Variants in TTC29 observed in about 807,000 individuals in gnomAD.
The protein encoded by TTC29 is tetratricopeptide repeat domain 29.
In TTC29, 49 loss-of-function variants were observed where a neutral mutation model predicts 58.1. That is an observed-to-expected ratio of 0.84 (90% CI 0.67 to 1.07). The LOEUF is 1.07. TTC29 is among the 50% of genes least tolerant of loss of function. The pLI is 0.00. For missense variants in TTC29, 582 were observed against 555.6 expected (o/e 1.05, Z -0.48); for synonymous variants, 209 against 196.8 (o/e 1.06, Z -0.52).
chr4:146,943,747 T>A (rs986979746), intron 2 of TTC29, among the ~76,000 whole-genome samples: 1 of 152,204 alleles, frequency 6.6e-6, no homozygotes, highest in Non-Finnish European at 1.5e-5. Context: ...CTTTTATGCC[T>A]TACAAGTTCA....
At chr4:146,818,199 A>G (rs1380053483) in intron 10 of TTC29, among the ~76,000 whole-genome samples, 1 of 152,242 alleles carries the variant, frequency 6.6e-6, no homozygotes, top group Non-Finnish European at 1.5e-5. Context: ...CAAAGGGCTA[A>G]TATCCAGAAT....
At chr4:146,874,577 G>T in intron 7 of TTC29, 139 bp downstream of exon 7, 1 of 716,358 alleles carries the variant, frequency 1.4e-6, no homozygotes, top group Non-Finnish European at 2.3e-6. Context: ...AGTGAAATTT[G>T]AAAGTAAATT....
In TTC29 at chr4:146,909,316, T is replaced by C. The variant is rs1040681299; in HGVS notation, c.177-67A>G. ...CTTTCAGTCTGCACGGTATTTTCAT[T>C]CTCTAATAATTAAAGGTTGAATCAT... On this transcript the variant is annotated intron_variant, in intron 4 of 12. Coordinates refer to ENST00000325106, the MANE Select transcript of TTC29 (RefSeq NM_031956.4). The C allele has an allele frequency of 5.7e-6, 7 of 1,218,768 alleles. No homozygotes were observed. In the African/African-American group the frequency reaches 9.1e-5, roughly 16 times the overall value. 75.5% of individuals were successfully genotyped at this position (1,218,768 alleles called of 1,614,324 possible).
intron 10 of TTC29, among the ~76,000 whole-genome samples, chr4:146,814,634 G>A (rs1751263846): frequency 1.3e-5 from 2 of 149,300 alleles, no homozygotes; most frequent in South Asian, 4.2e-4. Flanking sequence ...GCTGAGGCAG[G>A]AGAATTACTT....
At chr4:146,789,048 A>G (rs12507055) in intron 11 of TTC29, among the ~76,000 whole-genome samples, 9,027 of 152,250 alleles carry the variant, frequency 0.059, 373 homozygotes, top group Admixed American at 0.13. Context: ...CTGTGAATTT[A>G]TAATAATGTT....
At position 146,867,499 on chromosome 4, in the gene TTC29, G is replaced by A. The variant is rs1479435031; in HGVS notation, c.884C>T (p.Thr295Ile). 6.8e-7 allele frequency: 1 copy of A among 1,478,374 alleles called. No individual in the cohort carries two copies. Among genetic ancestry groups the A allele is most frequent in the Non-Finnish European group, 9.1e-7 (1 of 1,100,878 alleles). 91.6% of individuals were successfully genotyped at this position (1,478,374 alleles called of 1,614,324 possible). A position where few individuals can be genotyped will look rare whatever the true frequency, so the allele number is the denominator to read the frequency against. ...LAAEEYETALTVLDTYCKIST... is the reference protein window; with the variant it reads ...LAAEEYETALIVLDTYCKIST... ...GCAGTGATTAAAAGTTTAGCTTACTGTTAATGCTGTTTCATATTCCTCAGC... is the reference window on the plus strand; with the variant it reads ...GCAGTGATTAAAAGTTTAGCTTACTATTAATGCTGTTTCATATTCCTCAGC... The change falls in exon 8 of 13, where the codon ACA becomes ATA. Residue 295 changes from threonine to isoleucine, a missense_variant and splice_region_variant. Transcript: ENST00000325106.
At chr4:146,802,298 C>T (rs888992358) in intron 11 of TTC29, among the ~76,000 whole-genome samples, 16 of 152,094 alleles carry the variant, frequency 1.1e-4, no homozygotes, top group African/African-American at 1.4e-4. Flanking sequence ...CTCTCAAATA[C>T]GTGATGACAA....
intron 4 of TTC29, among the ~76,000 whole-genome samples, chr4:146,930,118 T>TATATATACAC (rs1334021950): frequency 1.6e-5 from 2 of 128,884 alleles, no homozygotes; most frequent in East Asian, 2.4e-4. Flanking sequence ...TATATATATA[T>TATATATACAC]ACACACATAT....
chr4:146,841,152 A>T (rs954800902), intron 8 of TTC29, among the ~76,000 whole-genome samples: 2 of 152,170 alleles, frequency 1.3e-5, no homozygotes, highest in African/African-American at 4.8e-5. Context: ...CTTTAAAAAA[A>T]TTCACAGTTT....
At chr4:146,813,043 G>A (rs914360720) in intron 10 of TTC29, 4 of 152,290 alleles carry the variant, frequency 2.6e-5, no homozygotes, top group African/African-American at 9.6e-5. Context: ...GACAATTCCA[G>A]GACAGGATCT....
chr4:146,803,680 G>C lies in TTC29; in HGVS notation c.1107C>G (p.Tyr369Ter), dbSNP rs1489738488. 6.3e-7 allele frequency: 1 copy of C among 1,576,882 alleles called. No individual in the cohort carries two copies. Among genetic ancestry groups the C allele is most frequent in the East Asian group, 2.3e-5 (1 of 44,234 alleles). Residue 369 changes from tyrosine to a stop codon, truncating the protein, a stop_gained, in exon 11 of 13, where the codon TAC (tyrosine) becomes TAG (stop). Transcript: ENST00000325106. LOFTEE classifies it high-confidence loss of function. ...GAAAGCATTCAGAAGCTTTGTTGTA[G>C]TATCCCTAAAAAGGTAAGAGAAATA... is the stretch of plus-strand genomic sequence containing the variant. Reference protein sequence around the residue: ...MLGDIYNEKGYYNKASECFQQ... With the variant: ...MLGDIYNEKG
At chr4:146,885,144 G>C (rs1464223729) in intron 6 of TTC29, among the ~76,000 whole-genome samples, 1 of 151,954 alleles carries the variant, frequency 6.6e-6, no homozygotes, top group Non-Finnish European at 1.5e-5. Flanking sequence ...CAAAAATCAT[G>C]AGTCTTGAGA....
chr4:146,880,112 T>C lies in TTC29; in HGVS notation c.587-5184A>G, dbSNP rs545141892. On this transcript the variant is annotated intron_variant, in intron 6 of 12. Transcript: ENST00000325106. ...AAGAAAATAGAGCCAAAATGTTTTG[T>C]TGGAGAGGCTGGGGATTGCCCTCCA... 7.9e-5 allele frequency among the ~76,000 whole-genome samples: 12 copies of C among 152,258 alleles called. No individual in the cohort carries two copies. The East Asian group carries it at 2.1e-3, about 27-fold the overall frequency.
Position 146,833,794 on chromosome 4 carries a change from GTGC to G in TTC29, c.977+9_977+11del. On this transcript the variant is annotated intron_variant, in intron 9 of 12. Coordinates refer to ENST00000325106, the MANE Select transcript of TTC29 (RefSeq NM_031956.4). ...TTCACAGTGACAGCAAGATGAGAAT[GTGC>G]TAACTTACCTCTGCAGGACCTTGGC... is the stretch of plus-strand genomic sequence containing the variant. 6.2e-7 allele frequency: 1 copy of G among 1,604,360 alleles called. No individual in the cohort carries two copies. Among genetic ancestry groups the G allele is most frequent in the Non-Finnish European group, 8.5e-7 (1 of 1,171,632 alleles).
intron 11 of TTC29, chr4:146,763,850 T>C (rs1023026526): frequency 1.3e-5 from 2 of 152,076 alleles, no homozygotes; most frequent in African/African-American, 4.8e-5. Flanking sequence ...TCAATCTGTA[T>C]CTTATTCCTT....
chr4:146,707,116 T>C lies in TTC29; in HGVS notation c.*42A>G. 2.7e-6 allele frequency: 4 copies of C among 1,474,814 alleles called. No homozygotes were observed. Among genetic ancestry groups the C allele is most frequent in the Non-Finnish European group, 3.7e-6 (4 of 1,093,422 alleles). 91.4% of individuals were successfully genotyped at this position (1,474,814 alleles called of 1,614,324 possible). ...ACAAGTATTGAAGTCTAAGGTGACA[T>C]GATGGATTTCTTCTTGCTTTGATGT... On this transcript the variant is annotated 3_prime_UTR_variant, in exon 13 of 13. Coordinates refer to ENST00000325106, the MANE Select transcript of TTC29 (RefSeq NM_031956.4).
At chr4:146,858,544 G>T (rs1730018871) in intron 8 of TTC29, among the ~76,000 whole-genome samples, 1 of 152,146 alleles carries the variant, frequency 6.6e-6, no homozygotes, top group African/African-American at 2.4e-5. Context: ...CTAACTAGGG[G>T]TTTGAGAATA....
chr4:146,911,522 GT>G (rs1579967438), intron 4 of TTC29, among the ~76,000 whole-genome samples: 1 of 152,204 alleles, frequency 6.6e-6, no homozygotes, highest in Non-Finnish European at 1.5e-5. Context: ...TCAGCTATAA[GT>G]AAAAGAAACT....
At chr4:146,892,496 A>G (rs1732444747) in intron 6 of TTC29, among the ~76,000 whole-genome samples, 1 of 152,216 alleles carries the variant, frequency 6.6e-6, no homozygotes. Context: ...CTTCATGCTA[A>G]AAACTCTCAA....
Sources: allele counts gnomAD v4.1 joint callset (sites outside exome capture counted in the v4.1 genomes callset), GRCh38; gene constraint gnomAD v4.1.1; transcripts MANE v1.5; gene names NCBI Gene and HGNC (gene_info 2026-07-23, HGNC 2026-07-21).